ACTR3B: variants seen among roughly 807,000 people sequenced by gnomAD.
ACTR3B encodes the protein actin-related protein 3B.
ACTR3B carries 8 observed loss-of-function variants against 59.0 expected under a neutral mutation model. The ratio of observed to expected loss-of-function variants is 0.14; its 90% CI spans 0.08 to 0.24. ACTR3B has a LOEUF of 0.24. ACTR3B is among the 10% of genes least tolerant of loss of function. The pLI, the probability that ACTR3B is intolerant of heterozygous loss-of-function variation, is 1.00. For missense variants in ACTR3B, 245 were observed against 552.3 expected (o/e 0.44, Z 5.58); for synonymous variants, 148 against 197.9 (o/e 0.75, Z 2.12).
intron 9 of ACTR3B, among the ~76,000 whole-genome samples, chr7:152,831,248 G>T (rs544579112): frequency 4.5e-4 from 69 of 152,376 alleles, no homozygotes; most frequent in African/African-American, 1.6e-3. Context: ...GTGGGAGGCT[G>T]GTGGAGATGT....
rs2098083363 is a variant in ACTR3B at position 152,759,840 on chromosome 7, G to T, written c.-43G>T. The T allele has an allele frequency of 1.6e-6, 2 of 1,224,302 alleles. No individual in the cohort carries two copies. The highest frequency in any genetic ancestry group is 1.0e-6 in the Non-Finnish European group (1 of 980,418). 75.8% of individuals were successfully genotyped at this position (1,224,302 alleles called of 1,614,324 possible). A position where few individuals can be genotyped will look rare whatever the true frequency, so the allele number is the denominator to read the frequency against. On this transcript the variant is annotated 5_prime_UTR_variant, in exon 1 of 12. Coordinates refer to ENST00000256001, the MANE Select transcript of ACTR3B (RefSeq NM_020445.6). The stretch of plus-strand genomic sequence containing the variant: ...GCGGCGGAGCGGACGGCGACGGGGC[G>T]CTCTCGGGCTGCCGGCGGGGCCGAG...
intron 9 of ACTR3B, among the ~76,000 whole-genome samples, chr7:152,828,998 A>G (rs1201076207): frequency 2.0e-5 from 3 of 151,818 alleles, no homozygotes; most frequent in Non-Finnish European, 4.4e-5. Flanking sequence ...AGTACTTAAT[A>G]GGTATATTTT....
At chr7:152,785,165 A>G (rs2098167356) in intron 2 of ACTR3B, among the ~76,000 whole-genome samples, 1 of 151,530 alleles carries the variant, frequency 6.6e-6, no homozygotes, top group Non-Finnish European at 1.5e-5. Flanking sequence ...TGTCGGTAGC[A>G]TTCAGTTGGC....
At chr7:152,787,328 A>G (rs2098177887) in intron 2 of ACTR3B, among the ~76,000 whole-genome samples, 1 of 152,268 alleles carries the variant, frequency 6.6e-6, no homozygotes, top group Non-Finnish European at 1.5e-5. Flanking sequence ...TTTCTATTGC[A>G]TTTTTAAATG....
intron 1 of ACTR3B, among the ~76,000 whole-genome samples, chr7:152,778,772 G>C (rs111947003): frequency 2.0e-5 from 3 of 149,966 alleles, no homozygotes; most frequent in East Asian, 4.0e-4. Context: ...AGACCCCTCT[G>C]TACAAAAAAT....
At chr7:152,838,691 A>G (rs1480941309) in intron 9 of ACTR3B, among the ~76,000 whole-genome samples, 1 of 152,256 alleles carries the variant, frequency 6.6e-6, no homozygotes, top group African/African-American at 2.4e-5. Context: ...TAATAATTTA[A>G]AAAGTAGTAA....
chr7:152,853,350 G>A (rs1219301036), intron 10 of ACTR3B, 144 bp from the exon 11 acceptor site: 3 of 683,310 alleles, frequency 4.4e-6, no homozygotes, highest in Non-Finnish European at 7.9e-6. Context: ...GGGGCGGAGA[G>A]TCACTGAGTG....
intron 1 of ACTR3B, among the ~76,000 whole-genome samples, chr7:152,781,068 G>A (rs917137127): frequency 6.6e-6 from 1 of 151,792 alleles, no homozygotes; most frequent in Non-Finnish European, 1.5e-5. Context: ...AACTCAGTGT[G>A]GTGCCAAAGT....
chr7:152,848,574 A>G (rs922278867), intron 9 of ACTR3B, among the ~76,000 whole-genome samples: 1 of 152,196 alleles, frequency 6.6e-6, no homozygotes, highest in Admixed American at 6.5e-5. Flanking sequence ...TTAATTCTTA[A>G]TTGGATATAA....
At chr7:152,822,129 G>A (rs1293609323) in intron 7 of ACTR3B, among the ~76,000 whole-genome samples, 2 of 152,240 alleles carry the variant, frequency 1.3e-5, no homozygotes, top group Non-Finnish European at 2.9e-5. Context: ...AAAGAACACA[G>A]GGTTGTGTAG....
chr7:152,845,767 C>T (rs569033553), intron 9 of ACTR3B, among the ~76,000 whole-genome samples: 25 of 152,340 alleles, frequency 1.6e-4, no homozygotes, highest in Admixed American at 1.4e-3. Context: ...GATCTGCCAT[C>T]GGCCAGGGCC....
chr7:152,800,814 G>A (rs1157712719), intron 3 of ACTR3B, among the ~76,000 whole-genome samples, 159 bp downstream of exon 3: 1 of 151,770 alleles, frequency 6.6e-6, no homozygotes, highest in East Asian at 1.9e-4. Context: ...TTTGAATGGG[G>A]GTATTTTTGA....
chr7:152,776,954 A>G (rs534852822), intron 1 of ACTR3B, among the ~76,000 whole-genome samples: 68 of 152,284 alleles, frequency 4.5e-4, no homozygotes, highest in African/African-American at 1.6e-3. Flanking sequence ...TTTATTTAAT[A>G]TATCCTCTAT....
intron 6 of ACTR3B, among the ~76,000 whole-genome samples, chr7:152,819,116 T>G (rs996630650): frequency 3.7e-4 from 57 of 152,242 alleles, no homozygotes; most frequent in Admixed American, 3.0e-3. Flanking sequence ...TGGGTTTAAG[T>G]TGAGTTTTAG....
chr7:152,792,167 G>A (rs933132667), intron 2 of ACTR3B, among the ~76,000 whole-genome samples: 1 of 152,092 alleles, frequency 6.6e-6, no homozygotes, highest in Non-Finnish European at 1.5e-5. Context: ...GATTACAGGT[G>A]TGAGCCACTG....
chr7:152,786,896 T>C (rs1297111529), intron 2 of ACTR3B, among the ~76,000 whole-genome samples: 1 of 152,234 alleles, frequency 6.6e-6, no homozygotes, highest in East Asian at 1.9e-4. Flanking sequence ...GTTTTTATCA[T>C]ACATACAGAT....
rs537958074 is a variant in ACTR3B, at chr7:152,820,170, G to T, written c.541-129G>T. On this transcript the variant is annotated intron_variant, in intron 6 of 11. Transcript: ENST00000256001. Reference sequence around the variant, plus strand: ...CTGTACTGAGCTTGCAGAGGGTGGGGATTATGTAAATGCTTGTCAGTGCCA... The same window carrying T: ...CTGTACTGAGCTTGCAGAGGGTGGGTATTATGTAAATGCTTGTCAGTGCCA... The T allele has an allele frequency of 6.7e-6, 10 of 1,502,944 alleles. No individual in the cohort carries two copies. The African/African-American group carries it at 1.1e-4, about 17-fold the overall frequency. The allele number at this position is 1,502,944 out of a possible 1,614,324, so 93.1% of individuals were successfully genotyped here.
chr7:152,837,324 T>C (rs763290107), intron 9 of ACTR3B, among the ~76,000 whole-genome samples: 3 of 152,258 alleles, frequency 2.0e-5, no homozygotes, highest in Non-Finnish European at 2.9e-5. Flanking sequence ...ATTTCACATA[T>C]TTCTCTTTTT....
At chr7:152,850,653 T>A (rs1215432441) in intron 9 of ACTR3B, among the ~76,000 whole-genome samples, 2 of 152,236 alleles carry the variant, frequency 1.3e-5, no homozygotes, top group Non-Finnish European at 2.9e-5. Context: ...AGAAAAATGA[T>A]CCCTTTGTAG....
Sources: gnomAD v4.1 joint callset for allele counts (sites outside exome capture counted in the v4.1 genomes callset) on GRCh38, gnomAD v4.1.1 for gene constraint, MANE v1.5 for transcripts, NCBI Gene and HGNC (gene_info 2026-07-23, HGNC 2026-07-21) for gene names.